SSR4: variants seen among roughly 807,000 people sequenced by gnomAD.
SSR4 encodes the protein translocon-associated protein subunit delta.
For synonymous variants in SSR4, 84 were observed against 65.6 expected (o/e 1.28, Z -1.35); for missense variants, 125 against 148.8 (o/e 0.84, Z 0.83).
chrX:153,796,411 G>C (rs369099261), intron 1 of SSR4, 23 bp from the exon 2 acceptor site: 18 of 1,114,868 alleles, frequency 1.6e-5, no homozygotes, highest in Non-Finnish European at 1.7e-5. Context: ...CCTTACCCAG[G>C]CATCTCTCCC....
chrX:153,796,585 G>A (rs781925779), intron 2 of SSR4, 33 bp downstream of exon 2: 3 of 1,030,228 alleles, frequency 2.9e-6, no homozygotes, highest in Non-Finnish European at 4.1e-6. Flanking sequence ...AGGAGGGCGG[G>A]TGGGGGGTGC....
At chrX:153,797,345 C>A in intron 2 of SSR4, 113 bp from the exon 3 acceptor site, 2 of 619,824 alleles carry the variant, frequency 3.2e-6, no homozygotes, top group South Asian at 2.4e-5. Context: ...GACACTGCAG[C>A]CCCCAACTGG....
chrX:153,795,059 C>T, intron 1 of SSR4: 1 of 349,221 alleles, frequency 2.9e-6, no homozygotes. Context: ...CGGGGTCGGA[C>T]CGGAGCGAAG....
upstream of SSR4, chrX:153,794,455 C>T (rs2092125585): frequency 8.8e-7 from 1 of 1,140,378 alleles, no homozygotes; most frequent in Admixed American, 2.7e-5. Flanking sequence ...CACCGATTCA[C>T]GCCCCCTTCC....
chrX:153,798,007 C>CCCA, intron 4 of SSR4, 64 bp from the exon 5 acceptor site: 1 of 706,349 alleles, frequency 1.4e-6, no homozygotes, highest in Non-Finnish European at 2.2e-6. Flanking sequence ...CTTTCCCCTC[C>CCCA]CCTCCCCACC....
At chrX:153,797,368 C>A in intron 2 of SSR4, 90 bp from the exon 3 acceptor site, 1 of 847,325 alleles carries the variant, frequency 1.2e-6, no homozygotes, top group Non-Finnish European at 1.8e-6. Flanking sequence ...CTAGCCTGCC[C>A]ACCTGCAGGC....
At chrX:153,796,996 A>G (rs951712076) in intron 2 of SSR4, 1 of 173,409 alleles carries the variant, frequency 5.8e-6, no homozygotes, top group Non-Finnish European at 1.1e-5. Context: ...TTCTCCTCTC[A>G]GTCTCCTAAG....
intron 1 of SSR4, 113 bp from the exon 2 acceptor site, chrX:153,796,321 G>T (rs1401202947): frequency 4.0e-5 from 21 of 521,513 alleles, no homozygotes; most frequent in Non-Finnish European, 6.6e-5. Context: ...GGGGCAGGAA[G>T]AGCGCATGGG....
chrX:153,797,094 C>T (rs2092146240), intron 2 of SSR4: 1 of 231,905 alleles, frequency 4.3e-6, no homozygotes, highest in African/African-American at 2.8e-5. Context: ...GGGTATGGCC[C>T]TCTTAGGGTA....
rs371749777 is a variant in SSR4 at position 153,796,265 on chromosome X, A to G, written c.68-169A>G. 782 of 433,053 alleles carry G rather than the reference A, an allele frequency of 1.8e-3. 6 individuals are homozygous for G. The South Asian group carries it at 0.026, about 14-fold the overall frequency. 35.7% of individuals were successfully genotyped at this position (433,053 alleles called of 1,213,427 possible). A position where few individuals can be genotyped will look rare whatever the true frequency, so the allele number is the denominator to read the frequency against. The stretch of plus-strand genomic sequence containing the variant: ...GCCATCCCGCCTACGTTGCCATTGC[A>G]TTTGTGACCGAGCACTTGGATCTGT... On this transcript the variant is annotated intron_variant, in intron 1 of 5. Coordinates refer to ENST00000370086, the MANE Select transcript of SSR4 (RefSeq NM_006280.3).
upstream of SSR4, chrX:153,794,272 G>A: frequency 2.5e-6 from 3 of 1,201,149 alleles, no homozygotes; most frequent in South Asian, 5.3e-5. Context: ...AGAAGGGCTG[G>A]CCCGAGCACC....
Position 153,796,412 on chromosome X carries a change from C to T in SSR4, c.68-22C>T, listed in dbSNP as rs371975883. On this transcript the variant is annotated intron_variant, in intron 1 of 5. Transcript: ENST00000370086. ...GATACTCGAGCTGGCCTTACCCAGG[C>T]ATCTCTCCCTCTTCCCCGCAGCCGA... 4 of 1,115,338 alleles carry T rather than the reference C, an allele frequency of 3.6e-6. No individual in the cohort carries two copies. In the African/African-American group the frequency reaches 5.4e-5, roughly 15 times the overall value. The allele number at this position is 1,115,338 out of a possible 1,213,427, so 91.9% of individuals were successfully genotyped here.
At chrX:153,794,999 C>G (rs868920371) in intron 1 of SSR4, 11 of 416,860 alleles carry the variant, frequency 2.6e-5, no homozygotes, top group Middle Eastern at 6.5e-4. Context: ...TGCGCCCGGC[C>G]CCCAAGCTGC....
chrX:153,794,523 C>T, upstream of SSR4: 2 of 1,164,153 alleles, frequency 1.7e-6, no homozygotes, highest in Non-Finnish European at 2.3e-6. Flanking sequence ...AGCTGGGCCC[C>T]TGGCTCAGGG....
chrX:153,797,628 G>A, intron 3 of SSR4, 96 bp downstream of exon 3: 2 of 1,119,963 alleles, frequency 1.8e-6, no homozygotes, highest in Non-Finnish European at 2.5e-6. Context: ...CAGGGGCCGT[G>A]GGCTCTGGCT....
At chrX:153,794,861 G>A in intron 1 of SSR4, 107 bp downstream of exon 1, 3 of 965,303 alleles carry the variant, frequency 3.1e-6, no homozygotes, top group Non-Finnish European at 2.8e-6. Flanking sequence ...CCGTCGCTGC[G>A]GGCCGGGCCT....
At chrX:153,794,321 C>T (rs782163274), upstream of SSR4, 7 of 1,196,705 alleles carry the variant, frequency 5.8e-6, no homozygotes, top group African/African-American at 1.0e-4. Context: ...CTACCTTCAG[C>T]GCCATGACGG....
Position 153,798,319 on chromosome X carries a change from T to C in SSR4, c.418-10T>C, listed in dbSNP as rs1557073298. On this transcript the variant is annotated splice_polypyrimidine_tract_variant and intron_variant, in intron 5 of 5. Coordinates refer to ENST00000370086, the MANE Select transcript of SSR4 (RefSeq NM_006280.3). ...TCCCCTGAGCTGGCTTGTGATCTCC[T>C]TTTTTTCAGGGCACTTGGAACGGGC... 3 of 1,204,522 alleles carry C rather than the reference T, an allele frequency of 2.5e-6. No homozygotes were observed. The highest frequency in any genetic ancestry group is 3.4e-6 in the Non-Finnish European group (3 of 891,237).
chrX:153,798,000 T>TGCCCCACC, intron 4 of SSR4, 71 bp from the exon 5 acceptor site: 3 of 704,000 alleles, frequency 4.3e-6, no homozygotes, highest in Non-Finnish European at 6.8e-6. Context: ...TACCTGTCTT[T>TGCCCCACC]CCCCTCCCCT....
Sources: gnomAD v4.1 joint callset for allele counts on GRCh38, gnomAD v4.1.1 for gene constraint, MANE v1.5 for transcripts, NCBI Gene and HGNC (gene_info 2026-07-23, HGNC 2026-07-21) for gene names.